The following ANKRD17 variants were observed in gnomAD, a reference collection of about 807,000 sequenced individuals.
ANKRD17 encodes ankyrin repeat domain 17, also known as ankyrin repeat domain-containing protein 17.
A neutral mutation model predicts 229.7 loss-of-function variants in ANKRD17; 19 were observed. The ratio of observed to expected loss-of-function variants is 0.08; its 90% CI spans 0.06 to 0.12. The LOEUF (loss-of-function observed/expected upper bound fraction) is 0.12. ANKRD17 is among the 10% of genes least tolerant of loss of function. ANKRD17 has a pLI of 1.00. For synonymous variants in ANKRD17, 1,112 were observed against 1,146.1 expected, an observed-to-expected ratio of 0.97 and a Z score of 0.60; for missense variants, 2,176 against 3,176.8, an observed-to-expected ratio of 0.68 and a Z score of 7.57.
chr4:73,180,727 T>C (rs1305477591), intron 1 of ANKRD17, among the ~76,000 whole-genome samples: 1 of 152,196 alleles, frequency 6.6e-6, no homozygotes, highest in Non-Finnish European at 1.5e-5. Context: ...ATCCCTCATT[T>C]ATGATTAATG....
At chr4:73,168,808 G>A (rs1031172929) in intron 2 of ANKRD17, 1 of 152,194 alleles carries the variant, frequency 6.6e-6, no homozygotes, top group Non-Finnish European at 1.5e-5. Flanking sequence ...TTTAGGTACA[G>A]CGGGTATACA....
At position 73,148,348 on chromosome 4, in the gene ANKRD17, T is replaced by C. The variant is rs764054241; in HGVS notation, c.1567+465A>G. Among the ~76,000 whole-genome samples the C allele has an allele frequency of 3.3e-4, 51 of 152,342 alleles. 1 individual carries two copies. Among genetic ancestry groups the C allele is most frequent in the Admixed American group, 1.2e-3 (19 of 15,306 alleles). Reference sequence around the variant, plus strand: ...TCACTTTTCCCAAAAAAGAAGTTTATGTACTGAGCCCCTTGGCAGCTTCTA... The same window carrying C: ...TCACTTTTCCCAAAAAAGAAGTTTACGTACTGAGCCCCTTGGCAGCTTCTA... On this transcript the variant is annotated intron_variant, in intron 8 of 33. Coordinates refer to ENST00000358602, the MANE Select transcript of ANKRD17 (RefSeq NM_032217.5).
intron 7 of ANKRD17, among the ~76,000 whole-genome samples, chr4:73,150,189 A>C (rs535237486): frequency 1.4e-3 from 218 of 152,110 alleles, no homozygotes; most frequent in Non-Finnish European, 2.7e-3. Flanking sequence ...TCGATAGCGA[A>C]CTCCCACATT....
Position 73,168,339 on chromosome 4 carries a change from T to A in ANKRD17, c.548-6991A>T, listed in dbSNP as rs1040015156. On this transcript the variant is annotated intron_variant, in intron 2 of 33. Transcript: ENST00000358602. ...GTTCATAGTGTATTTATGTCTACTTTACAAAACCTAAGAAAACATCATGTC... is the reference window on the plus strand; with the variant it reads ...GTTCATAGTGTATTTATGTCTACTTAACAAAACCTAAGAAAACATCATGTC... Among the ~76,000 whole-genome samples the A allele has an allele frequency of 1.8e-4, 28 of 152,274 alleles. No individual in the cohort carries two copies. The Middle Eastern group carries it at 0.01, about 55-fold the overall frequency.
At chr4:73,185,503 T>G (rs1270018464) in intron 1 of ANKRD17, among the ~76,000 whole-genome samples, 2 of 152,008 alleles carry the variant, frequency 1.3e-5, no homozygotes, top group African/African-American at 4.8e-5. Context: ...TTTACCATAC[T>G]TAAAATTTTA....
At chr4:73,120,129 T>C (rs1465458520) in intron 21 of ANKRD17, 33 bp downstream of exon 21, 1 of 1,593,398 alleles carries the variant, frequency 6.3e-7, no homozygotes, top group South Asian at 1.1e-5. Context: ...GTAACACTTG[T>C]GTTCATATAT....
intron 15 of ANKRD17, among the ~76,000 whole-genome samples, chr4:73,138,034 A>G (rs1729134933): frequency 6.6e-6 from 1 of 152,174 alleles, no homozygotes; most frequent in East Asian, 1.9e-4. Context: ...TAAAGTGGAT[A>G]CGTAATATTT....
rs1327410541 is a variant in ANKRD17, at chr4:73,091,532, A to G, written c.6096T>C (p.Pro2032=). The G allele has an allele frequency of 8.1e-6, 13 of 1,614,164 alleles. No homozygotes were observed. Among genetic ancestry groups the G allele is most frequent in the Non-Finnish European group, 1.0e-5 (12 of 1,180,040 alleles). ...TAPTNATYPM[P]TAKEHYPVSS... ...ATACTGGATAGTGTTCTTTGGCAGTAGGCATAGGATATGTGGCATTTGTGG... is the reference window on the plus strand; with the variant it reads ...ATACTGGATAGTGTTCTTTGGCAGTGGGCATAGGATATGTGGCATTTGTGG... Residue 2032 remains proline, a synonymous_variant, in exon 29 of 34, where the codon CCT becomes CCC. Coordinates refer to ENST00000358602, the MANE Select transcript of ANKRD17 (RefSeq NM_032217.5).
At chr4:73,133,039 C>T (rs139022553) in intron 16 of ANKRD17, among the ~76,000 whole-genome samples, 1,878 of 151,922 alleles carry the variant, frequency 0.012, 41 homozygotes, top group African/African-American at 0.043. Flanking sequence ...CTGAGGTCAA[C>T]GAGTTTGAAA....
intron 1 of ANKRD17, among the ~76,000 whole-genome samples, chr4:73,206,640 G>A (rs1739499046): frequency 6.6e-6 from 1 of 152,184 alleles, no homozygotes; most frequent in African/African-American, 2.4e-5. Flanking sequence ...GAAGCAGTGA[G>A]TAAAATGGTG....
At position 73,121,774 on chromosome 4, in the gene ANKRD17, GA is replaced by G. The variant is rs780540774; in HGVS notation, c.3493-16del. 492 of 1,568,480 alleles carry G rather than the reference GA, an allele frequency of 3.1e-4. 3 individuals carry two copies. The highest frequency in any genetic ancestry group is 6.0e-5 in the Non-Finnish European group (70 of 1,164,828). ...AGCTCCACCACCTGAAAATAAAATA[GA>G]AAAAAATATGTTTTCTTATGGAGAG... On this transcript the variant is annotated splice_polypyrimidine_tract_variant and intron_variant, in intron 18 of 33. Transcript: ENST00000358602.
intron 16 of ANKRD17, among the ~76,000 whole-genome samples, chr4:73,125,602 G>C (rs1432689357): frequency 6.6e-6 from 1 of 151,950 alleles, no homozygotes; most frequent in Non-Finnish European, 1.5e-5. Context: ...GTGTGGTGGT[G>C]CGTGCCTGTA....
chr4:73,197,615 G>T (rs1317962975), intron 1 of ANKRD17, among the ~76,000 whole-genome samples: 1 of 152,152 alleles, frequency 6.6e-6, no homozygotes, highest in Non-Finnish European at 1.5e-5. Flanking sequence ...GGATAAACTT[G>T]AGGCCAGAAG....
intron 1 of ANKRD17, among the ~76,000 whole-genome samples, chr4:73,255,020 T>C (rs1249195647): frequency 6.6e-6 from 1 of 152,234 alleles, no homozygotes; most frequent in East Asian, 1.9e-4. Context: ...AAGAAAATTA[T>C]GCATTTTCAA....
chr4:73,083,829 C>T, intron 30 of ANKRD17, among the ~76,000 whole-genome samples: 1 of 151,088 alleles, frequency 6.6e-6, no homozygotes, highest in East Asian at 2.0e-4. Flanking sequence ...TGTACTCTGA[C>T]ATGTATCTCT....
chr4:73,092,802 C>T (rs528072609), intron 28 of ANKRD17, among the ~76,000 whole-genome samples: 3 of 152,074 alleles, frequency 2.0e-5, no homozygotes, highest in South Asian at 2.1e-4. Flanking sequence ...GGGATGACTC[C>T]GTCTACTAAA....
At chr4:73,147,195 TAAAC>T (rs1362750755) in intron 9 of ANKRD17, 42 bp downstream of exon 9, 7 of 1,476,640 alleles carry the variant, frequency 4.7e-6, no homozygotes, top group Non-Finnish European at 6.3e-6. Context: ...CATTTTTACT[TAAAC>T]AAATCATGTA....
chr4:73,111,443 T>A (rs774770067), intron 24 of ANKRD17, among the ~76,000 whole-genome samples: 1 of 152,188 alleles, frequency 6.6e-6, no homozygotes, highest in Non-Finnish European at 1.5e-5. Context: ...TTCATCACAC[T>A]ACTCAGAACG....
intron 24 of ANKRD17, among the ~76,000 whole-genome samples, chr4:73,107,682 C>T (rs909196785): frequency 5.9e-5 from 9 of 152,086 alleles, no homozygotes; most frequent in African/African-American, 2.2e-4. Flanking sequence ...TACAAAAGCT[C>T]TAAGTTAGAA....
Sources: allele counts gnomAD v4.1 joint callset (sites outside exome capture counted in the v4.1 genomes callset), GRCh38; gene constraint gnomAD v4.1.1; transcripts MANE v1.5; gene names NCBI Gene and HGNC (gene_info 2026-07-23, HGNC 2026-07-21).